The following RASIP1 variants were observed in gnomAD, a reference collection of about 807,000 sequenced individuals.
RASIP1 encodes the protein ras-interacting protein 1.
RASIP1 carries 20 observed loss-of-function variants against 85.3 expected under a neutral mutation model. The observed-to-expected ratio is 0.23, with a 90% CI of 0.17 to 0.34. The LOEUF (loss-of-function observed/expected upper bound fraction) is 0.34. Ranked by LOEUF, RASIP1 falls within the 10% of genes least tolerant of loss-of-function variation. The probability of loss-of-function intolerance (pLI) is 1.00; values close to 1 mark genes in which losing one functional copy is unlikely to be tolerated. For synonymous variants in RASIP1, 617 were observed against 647.1 expected, an observed-to-expected ratio of 0.95 and a Z score of 0.71; for missense variants, 1,170 against 1,390.9, an observed-to-expected ratio of 0.84 and a Z score of 2.53.
chr19:48,724,460 G>T lies in RASIP1; in HGVS notation c.2421C>A (p.Thr807=). ...YQWSRAVQIR[T]NLDLVLDWLQ... is the part of the protein sequence containing the mutation. ...GCCAGTCCAAGACGAGGTCCAGGTT[G>T]GTTCGGATTTGAACAGCTCGGGACC... The change falls in exon 10 of 12, where the codon ACC becomes ACA. Residue 807 remains threonine (T), a synonymous_variant. Transcript: ENST00000222145. This position sits in a 1 kb window ranked among gnomAD's most constrained non-coding sequence, Gnocchi z 4.6. 3.1e-6 allele frequency: 5 copies of T among 1,614,166 alleles called. No homozygotes were observed. Among genetic ancestry groups the T allele is most frequent in the Non-Finnish European group, 4.2e-6 (5 of 1,180,014 alleles).
At chr19:48,721,138 C>G in intron 11 of RASIP1, 141 bp from the exon 12 acceptor site, 1 of 689,754 alleles carries the variant, frequency 1.4e-6, no homozygotes. Context: ...TCCGTTCACA[C>G]GCTACTCTAG....
In RASIP1 at chr19:48,739,890, A is replaced by G. The variant is rs1038944728; in HGVS notation, c.138-245T>C. Among the ~76,000 whole-genome samples, 1 of 152,008 alleles carries G rather than the reference A, an allele frequency of 6.6e-6. No individual in the cohort carries two copies. Among genetic ancestry groups the G allele is most frequent in the Non-Finnish European group, 1.5e-5 (1 of 67,976 alleles). On this transcript the variant is annotated intron_variant, in intron 2 of 11. Coordinates refer to ENST00000222145, the MANE Select transcript of RASIP1 (RefSeq NM_017805.3). The surrounding 1 kb of genome is among the most constrained non-coding windows in gnomAD (Gnocchi z 9.2). ...CAAGAGGTGAGCAGGGAGGGGAGGAAGGAAGGTGAATCAATCCCCCTGCTC... is the reference window on the plus strand; with the variant it reads ...CAAGAGGTGAGCAGGGAGGGGAGGAGGGAAGGTGAATCAATCCCCCTGCTC...
At chr19:48,728,528 G>A (rs1480497569) in intron 5 of RASIP1, among the ~76,000 whole-genome samples, 2 of 152,188 alleles carry the variant, frequency 1.3e-5, no homozygotes, top group African/African-American at 2.4e-5. Flanking sequence ...CACTTTGGGA[G>A]GCCGAGGCGG....
Position 48,737,788 on chromosome 19 carries a change from G to T in RASIP1, c.823+1172C>A, listed in dbSNP as rs149969884. ...CCCAACAGTTTTTGCCCCAGACCAC[G>T]CTTTTCCACAAGCCCCGCCCCACCA... On this transcript the variant is annotated intron_variant, in intron 3 of 11. Transcript: ENST00000222145. 134 of 984,644 alleles carry T rather than the reference G, an allele frequency of 1.4e-4. No individual in the cohort carries two copies. In the African/African-American group the frequency reaches 2.1e-3, roughly 15 times the overall value. 61.0% of individuals were successfully genotyped at this position (984,644 alleles called of 1,614,324 possible).
chr19:48,725,085 A>G (rs917480088), intron 8 of RASIP1, 125 bp from the exon 9 acceptor site: 36 of 1,171,152 alleles, frequency 3.1e-5, no homozygotes, highest in Non-Finnish European at 4.2e-5. Flanking sequence ...TCCATTCTAC[A>G]GTCAACACCC....
At position 48,720,840 on chromosome 19, in the gene RASIP1, T is replaced by C; in HGVS notation, c.2850A>G (p.Pro950=). Residue 950 remains proline (P), a synonymous_variant, in exon 12 of 12, where the codon CCA becomes CCG. Transcript: ENST00000222145. ...LLWDLEQQEL[P]ANYRHGPPVA... ...CGGGAGGCCCATGGCGATAATTGGC[T>C]GGCAGCTCCTGCTGCTCAAGATCCC... 1.2e-6 allele frequency: 2 copies of C among 1,614,090 alleles called. No homozygotes were observed. Among genetic ancestry groups the C allele is most frequent in the Non-Finnish European group, 1.7e-6 (2 of 1,180,024 alleles).
intron 8 of RASIP1, 105 bp downstream of exon 8, chr19:48,726,680 C>A: frequency 1.1e-6 from 1 of 885,492 alleles, no homozygotes. Flanking sequence ...CAGAGCCACA[C>A]AGTGTAGTTC....
At chr19:48,737,402 C>A (rs1004127175) in intron 3 of RASIP1, 2 of 945,624 alleles carry the variant, frequency 2.1e-6, no homozygotes, top group African/African-American at 3.6e-5. Flanking sequence ...GCGCCAGGCC[C>A]CACCCCTGCC....
Position 48,724,904 on chromosome 19 carries a change from T to C in RASIP1, c.2184A>G (p.Ala728=), listed in dbSNP as rs978108517. 1.9e-6 allele frequency: 3 copies of C among 1,614,112 alleles called. No individual in the cohort carries two copies. Among genetic ancestry groups the C allele is most frequent in the African/African-American group, 2.7e-5 (2 of 74,936 alleles). The part of the protein sequence containing the change: ...LLDSNPFTAG[A]ELPGPGAELG... ...GCTCCGCGCCAGGCCCCGGCAGCTC[T>C]GCACCAGCTGTGAAAGGGTTACTAT... The change falls in exon 9 of 12, where the codon GCA becomes GCG. Residue 728 remains alanine, a synonymous_variant. Coordinates refer to ENST00000222145, the MANE Select transcript of RASIP1 (RefSeq NM_017805.3). This position sits in a 1 kb window ranked among gnomAD's most constrained non-coding sequence, Gnocchi z 4.6.
chr19:48,729,706 CTTCTTTTTTTT>C (rs1390527960), intron 4 of RASIP1, 116 bp from the exon 5 acceptor site: 13 of 595,066 alleles, frequency 2.2e-5, no homozygotes, highest in Non-Finnish European at 2.9e-5. Flanking sequence ...TTTCCTTCTT[CTTCTTTTTTTT>C]TTTTTTTTTT....
At chr19:48,732,857 G>A (rs1265842956) in intron 4 of RASIP1, among the ~76,000 whole-genome samples, 1 of 152,144 alleles carries the variant, frequency 6.6e-6, no homozygotes, top group African/African-American at 2.4e-5. Context: ...GGATCTTTCT[G>A]TGACCGTAAA....
intron 8 of RASIP1, among the ~76,000 whole-genome samples, chr19:48,725,781 T>C (rs2033331772): frequency 6.6e-6 from 1 of 152,196 alleles, no homozygotes; most frequent in Non-Finnish European, 1.5e-5. Flanking sequence ...CTATCAATCA[T>C]TTATCTATCT....
At chr19:48,727,267 C>A in intron 6 of RASIP1, 109 bp from the exon 7 acceptor site, 1 of 1,548,348 alleles carries the variant, frequency 6.5e-7, no homozygotes, top group Non-Finnish European at 8.8e-7. Context: ...CATTGCGCAG[C>A]TGGAAAAGTT....
At chr19:48,728,689 C>G (rs572641540) in intron 5 of RASIP1, among the ~76,000 whole-genome samples, 2 of 152,082 alleles carry the variant, frequency 1.3e-5, no homozygotes, top group Non-Finnish European at 2.9e-5. Context: ...ATTTGAACCC[C>G]GGAGGTAGAG....
In RASIP1 at chr19:48,729,421, A is replaced by G. The variant is rs2033405388; in HGVS notation, c.1349T>C (p.Val450Ala). ...VRAGPEHPAM[V>A]RPSRGAPVTH... is the part of the protein sequence containing the mutation. Reference sequence around the variant, plus strand: ...GACTGGGGCGCCCCGGGACGGGCGCACCATGGCCGGGTGCTCAGGGCCCGC... The same window carrying G: ...GACTGGGGCGCCCCGGGACGGGCGCGCCATGGCCGGGTGCTCAGGGCCCGC... The change falls in exon 5 of 12, where the codon GTG (valine) becomes GCG (alanine). Residue 450 changes from valine to alanine, a missense_variant. Around this residue, in one of 4 missense-constraint regions of RASIP1, gnomAD observed 301 missense variants for 294.8 expected, o/e 1.02. Transcript: ENST00000222145. The G allele has an allele frequency of 3.2e-6, 5 of 1,559,462 alleles. No individual in the cohort carries two copies. In the African/African-American group the frequency reaches 5.4e-5, roughly 17 times the overall value.
At position 48,738,017 on chromosome 19, in the gene RASIP1, T is replaced by C; in HGVS notation, c.823+943A>G. The C allele has an allele frequency of 2.3e-6, 2 of 873,916 alleles. No homozygotes were observed. The highest frequency in any genetic ancestry group is 2.7e-6 in the Non-Finnish European group (2 of 728,656). 54.1% of individuals were successfully genotyped at this position (873,916 alleles called of 1,614,324 possible). A position where few individuals can be genotyped will look rare whatever the true frequency, so the allele number is the denominator to read the frequency against. ...TGGAGTTCAGTGGCGCGATCTTGGC[T>C]CACTGCAGCCTCTGCCTCCTGGGTT... On this transcript the variant is annotated intron_variant, in intron 3 of 11. Transcript: ENST00000222145. The surrounding 1 kb of genome is among the most constrained non-coding windows in gnomAD (Gnocchi z 4.0).
At chr19:48,723,517 G>A (rs900163130) in intron 10 of RASIP1, among the ~76,000 whole-genome samples, 1 of 142,196 alleles carries the variant, frequency 7.0e-6, no homozygotes, top group Non-Finnish European at 1.5e-5. Flanking sequence ...CCGAGATCAT[G>A]CCATTGCACT....
intron 3 of RASIP1, chr19:48,737,322 A>T (rs973549758): frequency 3.3e-6 from 1 of 303,696 alleles, no homozygotes; most frequent in African/African-American, 2.3e-5. Flanking sequence ...ACAACATTCT[A>T]TCTCCCAAAA....
chr19:48,729,688 A>AC, intron 4 of RASIP1, 98 bp from the exon 5 acceptor site: 2 of 1,194,696 alleles, frequency 1.7e-6, no homozygotes, highest in Non-Finnish European at 2.3e-6. Flanking sequence ...ATTCCCACCA[A>AC]CTTTTTTTTT....
Sources: gnomAD v4.1 joint callset for allele counts (sites outside exome capture counted in the v4.1 genomes callset) on GRCh38, gnomAD v4.1.1 for gene constraint, gnomAD v4.1.1 regional missense constraint, Gnocchi (gnomAD v3.1) non-coding constraint, MANE v1.5 for transcripts, NCBI Gene and HGNC (gene_info 2026-07-23, HGNC 2026-07-21) for gene names.